LUZP2: variants seen among roughly 807,000 people sequenced by gnomAD.
The protein encoded by LUZP2 is leucine zipper protein 2.
A neutral mutation model predicts 51.6 loss-of-function variants in LUZP2; 52 were observed. The observed-to-expected ratio is 1.01, with a 90% CI of 0.81 to 1.27. The LOEUF (loss-of-function observed/expected upper bound fraction) is 1.27. Among genes scored for constraint, LUZP2 ranks in the 50% most tolerant of loss-of-function variants. The probability of loss-of-function intolerance (pLI) is 0.00; values close to 1 mark genes in which losing one functional copy is unlikely to be tolerated. For missense variants in LUZP2, 436 were observed against 395.4 expected, an observed-to-expected ratio of 1.10 and a Z score of -0.87; for synonymous variants, 154 against 137.3, an observed-to-expected ratio of 1.12 and a Z score of -0.85.
intron 5 of LUZP2, among the ~76,000 whole-genome samples, chr11:24,772,734 C>A (rs557856149): frequency 2.6e-5 from 4 of 152,274 alleles, no homozygotes; most frequent in Admixed American, 2.6e-4. Context: ...ACAGTGTCAA[C>A]AGGGCCTCTT....
intron 4 of LUZP2, among the ~76,000 whole-genome samples, chr11:24,750,653 A>T (rs946252896): frequency 2.0e-5 from 3 of 152,128 alleles, no homozygotes. Flanking sequence ...CTGTATATTC[A>T]GTTGTTTGGC....
intron 1 of LUZP2, among the ~76,000 whole-genome samples, chr11:24,509,889 T>G (rs1850255671): frequency 6.6e-6 from 1 of 152,148 alleles, no homozygotes; most frequent in Non-Finnish European, 1.5e-5. Flanking sequence ...CTATATATTC[T>G]TTTACTTGAG....
In LUZP2 at chr11:24,533,044, C is replaced by A. The variant is rs117445757; in HGVS notation, c.62+35739C>A. ...CTTGAAAAATACTAACATCACCAGACAGAAAAGACAGTGCTGTATAATCAG... is the reference window on the plus strand; with the variant it reads ...CTTGAAAAATACTAACATCACCAGAAAGAAAAGACAGTGCTGTATAATCAG... On this transcript the variant is annotated intron_variant, in intron 1 of 11. Coordinates refer to ENST00000336930, the MANE Select transcript of LUZP2 (RefSeq NM_001009909.4). 9.1e-3 allele frequency among the ~76,000 whole-genome samples: 1,373 copies of A among 151,270 alleles called. 8 individuals are homozygous for A. The highest frequency in any genetic ancestry group is 0.031 in the Middle Eastern group (9 of 294).
At chr11:24,794,285 C>A (rs1255943439) in intron 5 of LUZP2, among the ~76,000 whole-genome samples, 1 of 152,110 alleles carries the variant, frequency 6.6e-6, no homozygotes, top group Non-Finnish European at 1.5e-5. Flanking sequence ...TCTACATACT[C>A]TACATACTTT....
intron 5 of LUZP2, among the ~76,000 whole-genome samples, chr11:24,828,501 C>T (rs986101161): frequency 6.6e-6 from 1 of 150,856 alleles, no homozygotes; most frequent in African/African-American, 2.4e-5. Context: ...TCACAGGTAT[C>T]CCAGTTACTG....
chr11:24,946,361 G>C (rs779082990), intron 7 of LUZP2, among the ~76,000 whole-genome samples: 3 of 151,742 alleles, frequency 2.0e-5, no homozygotes, highest in Non-Finnish European at 2.9e-5. Context: ...AATTAGATTT[G>C]TGTGTCATTT....
intron 7 of LUZP2, among the ~76,000 whole-genome samples, chr11:24,921,247 G>A (rs1373227944): frequency 6.6e-6 from 1 of 152,110 alleles, no homozygotes; most frequent in African/African-American, 2.4e-5. Flanking sequence ...CACATGTGCG[G>A]CAGAAAAGTG....
chr11:24,780,717 T>C (rs536779408), intron 5 of LUZP2, among the ~76,000 whole-genome samples: 2 of 152,290 alleles, frequency 1.3e-5, no homozygotes, highest in African/African-American at 4.8e-5. Context: ...TTTGAACAAC[T>C]GTCTTGTTTG....
At position 24,526,559 on chromosome 11, in the gene LUZP2, T is replaced by C. The variant is rs181066809; in HGVS notation, c.62+29254T>C. 2.2e-3 allele frequency among the ~76,000 whole-genome samples: 336 copies of C among 151,422 alleles called. 3 individuals carry two copies. The highest frequency in any genetic ancestry group is 7.8e-3 in the African/African-American group (325 of 41,450). ...GTCTGGATCTATGATCACAAAATTA[T>C]GTTTCTTTTCATTTAACTATGTTCC... On this transcript the variant is annotated intron_variant, in intron 1 of 11. Coordinates refer to ENST00000336930, the MANE Select transcript of LUZP2 (RefSeq NM_001009909.4).
At chr11:25,043,366 G>A (rs1302351173) in intron 9 of LUZP2, among the ~76,000 whole-genome samples, 4 of 151,972 alleles carry the variant, frequency 2.6e-5, no homozygotes, top group Non-Finnish European at 5.9e-5. Context: ...CACCTCCCTA[G>A]AGTAAGAATC....
chr11:24,670,761 A>G (rs1010207250), intron 1 of LUZP2, among the ~76,000 whole-genome samples: 6 of 151,952 alleles, frequency 3.9e-5, no homozygotes, highest in Non-Finnish European at 8.8e-5. Context: ...AGAAAAATCA[A>G]TTAAGTATTC....
At chr11:24,647,106 A>G (rs985529470) in intron 1 of LUZP2, among the ~76,000 whole-genome samples, 5 of 151,720 alleles carry the variant, frequency 3.3e-5, no homozygotes, top group Admixed American at 6.6e-5. Flanking sequence ...CTTTCCACGC[A>G]CTCATTGTGA....
At chr11:24,925,470 T>C (rs1487979546) in intron 7 of LUZP2, among the ~76,000 whole-genome samples, 1 of 152,172 alleles carries the variant, frequency 6.6e-6, no homozygotes, top group African/African-American at 2.4e-5. Context: ...AGAAAGTAAA[T>C]TGGCTTGTCA....
chr11:24,647,234 C>A (rs142445416), intron 1 of LUZP2, among the ~76,000 whole-genome samples: 2,328 of 152,016 alleles, frequency 0.015, 32 homozygotes, highest in Non-Finnish European at 0.024. Context: ...AATTTAGCAC[C>A]TACTTAATTC....
chr11:24,500,050 G>C (rs1321074554), intron 1 of LUZP2, among the ~76,000 whole-genome samples: 1 of 152,014 alleles, frequency 6.6e-6, no homozygotes, highest in Non-Finnish European at 1.5e-5. Flanking sequence ...CTTTTTGCTT[G>C]TTCCTCCTTC....
intron 9 of LUZP2, among the ~76,000 whole-genome samples, chr11:25,004,162 G>T (rs7115480): frequency 6.6e-6 from 1 of 152,128 alleles, no homozygotes. Flanking sequence ...TGGATCATCT[G>T]GTTGGGGGCT....
Position 24,576,724 on chromosome 11 carries a change from T to C in LUZP2, c.62+79419T>C, listed in dbSNP as rs1036400767. Reference sequence around the variant, plus strand: ...GATAGTAATTTTCTTTTATAATGAATTGTAGATAATTTTTAGAGTGTATAT... The same window carrying C: ...GATAGTAATTTTCTTTTATAATGAACTGTAGATAATTTTTAGAGTGTATAT... On this transcript the variant is annotated intron_variant, in intron 1 of 11. Transcript: ENST00000336930. 4.6e-5 allele frequency among the ~76,000 whole-genome samples: 7 copies of C among 152,124 alleles called. No individual in the cohort carries two copies. The East Asian group carries it at 9.7e-4, about 21-fold the overall frequency.
chr11:24,805,159 C>A (rs774098925), intron 5 of LUZP2, among the ~76,000 whole-genome samples: 2 of 151,966 alleles, frequency 1.3e-5, no homozygotes, highest in African/African-American at 4.8e-5. Context: ...TGGCAGAAGG[C>A]AAGGAGGAGC....
intron 5 of LUZP2, among the ~76,000 whole-genome samples, chr11:24,898,603 A>G (rs1482560571): frequency 1.3e-5 from 2 of 151,070 alleles, no homozygotes; most frequent in African/African-American, 4.9e-5. Context: ...AGCCTGTGCG[A>G]CAGAGCAAGA....
Sources: allele counts gnomAD v4.1 joint callset (sites outside exome capture counted in the v4.1 genomes callset), GRCh38; gene constraint gnomAD v4.1.1; transcripts MANE v1.5; gene names NCBI Gene and HGNC (gene_info 2026-07-23, HGNC 2026-07-21).